SAMMSON: variants seen among roughly 807,000 people sequenced by gnomAD.
SAMMSON encodes survival associated mitochondrial melanoma specific oncogenic non-coding RNA, also known as long intergenic non-protein coding RNA 1212.
chr3:70,032,916 C>T (rs1381121834), intron 3 of SAMMSON, among the ~76,000 whole-genome samples: 1 of 152,140 alleles, frequency 6.6e-6, no homozygotes, highest in Non-Finnish European at 1.5e-5. Context: ...CTTTGGGGGC[C>T]TTTCATAATA....
intron 9 of SAMMSON, among the ~76,000 whole-genome samples, chr3:70,370,519 A>T (rs1044445201): frequency 9.9e-5 from 15 of 152,080 alleles, no homozygotes; most frequent in African/African-American, 3.1e-4. Context: ...GTAAGATGAT[A>T]TCTCATTGTG....
At chr3:70,038,971 C>T (rs1559778426) in intron 3 of SAMMSON, among the ~76,000 whole-genome samples, 1 of 152,044 alleles carries the variant, frequency 6.6e-6, no homozygotes, top group Non-Finnish European at 1.5e-5. Flanking sequence ...GGTCAGTTTT[C>T]TTGGAAATAG....
chr3:70,136,458 G>A (rs1388531114), intron 4 of SAMMSON, among the ~76,000 whole-genome samples: 1 of 152,202 alleles, frequency 6.6e-6, no homozygotes, highest in East Asian at 1.9e-4. Context: ...ACTTGGAAAT[G>A]AATCCTCTGG....
chr3:70,315,079 T>C (rs1702486172), intron 7 of SAMMSON, among the ~76,000 whole-genome samples: 1 of 152,174 alleles, frequency 6.6e-6, no homozygotes, highest in Non-Finnish European at 1.5e-5. Context: ...TACTATGATA[T>C]AATTATTTAA....
chr3:70,373,203 T>G (rs28440047), intron 9 of SAMMSON, among the ~76,000 whole-genome samples: 2,410 of 152,240 alleles, frequency 0.016, 57 homozygotes, highest in African/African-American at 0.042. Context: ...TTCCTTTACC[T>G]AGGAATGTCA....
In SAMMSON at chr3:70,281,885, G is replaced by A. The variant is rs116016390; in HGVS notation, n.675-9294G>A. On this transcript the variant is annotated intron_variant and non_coding_transcript_variant, in intron 6 of 9. Coordinates refer to ENST00000642114, the Ensembl canonical transcript of SAMMSON. The stretch of plus-strand genomic sequence containing the variant: ...TTCTAGTTCATCATACCTTGGGTGA[G>A]GCCCATGAAATCTTCAGTTTTAAAA... Among the ~76,000 whole-genome samples, 380 of 152,232 alleles carry A rather than the reference G, an allele frequency of 2.5e-3. 3 individuals carry two copies. Among genetic ancestry groups the A allele is most frequent in the African/African-American group, 8.6e-3 (356 of 41,556 alleles).
intron 4 of SAMMSON, among the ~76,000 whole-genome samples, chr3:70,239,001 T>C (rs1218971273): frequency 6.6e-6 from 1 of 152,226 alleles, no homozygotes; most frequent in Non-Finnish European, 1.5e-5. Context: ...AGTGGAAATG[T>C]TTAATTTTGT....
At chr3:70,107,745 G>A (rs1210621532) in intron 4 of SAMMSON, among the ~76,000 whole-genome samples, 6 of 151,988 alleles carry the variant, frequency 3.9e-5, no homozygotes, top group African/African-American at 1.5e-4. Flanking sequence ...AGAATGAGGG[G>A]GAAAGAGGAT....
At chr3:70,132,604 G>C (rs1203935459) in intron 4 of SAMMSON, among the ~76,000 whole-genome samples, 1 of 151,870 alleles carries the variant, frequency 6.6e-6, no homozygotes, top group Admixed American at 6.6e-5. Flanking sequence ...TGGCCATCTT[G>C]CAGGCTGCAA....
intron 1 of SAMMSON, among the ~76,000 whole-genome samples, chr3:70,001,936 C>G (rs1034517017): frequency 4.6e-5 from 7 of 152,240 alleles, no homozygotes; most frequent in Admixed American, 3.9e-4. Flanking sequence ...CATATTGCTC[C>G]AATTCATTTT....
At position 70,186,578 on chromosome 3, in the gene SAMMSON, T is replaced by C. The variant is rs954859233; in HGVS notation, n.508-62529T>C. Among the ~76,000 whole-genome samples the C allele has an allele frequency of 3.3e-5, 5 of 152,192 alleles. No individual in the cohort carries two copies. In the South Asian group the frequency reaches 6.2e-4, roughly 19 times the overall value. ...AGGCGTGAGCCAGCACACTCAACCA[T>C]AGGAATTTTTATTTTGAAAGGTTAC... On this transcript the variant is annotated intron_variant and non_coding_transcript_variant, in intron 4 of 9. Coordinates refer to ENST00000642114, the Ensembl canonical transcript of SAMMSON.
intron 3 of SAMMSON, among the ~76,000 whole-genome samples, chr3:70,015,776 A>ACC (rs2066981687): frequency 1.3e-5 from 2 of 151,772 alleles, no homozygotes. Flanking sequence ...AAGTGTTCTC[A>ACC]TTGTTCAATT....
intron 6 of SAMMSON, among the ~76,000 whole-genome samples, chr3:70,279,788 TG>T (rs1003305946): frequency 6.6e-6 from 1 of 152,176 alleles, no homozygotes; most frequent in Non-Finnish European, 1.5e-5. Flanking sequence ...TGGGCTGTTC[TG>T]GGGCATGGCT....
chr3:70,038,249 C>T (rs1285889746), intron 3 of SAMMSON, among the ~76,000 whole-genome samples: 2 of 152,092 alleles, frequency 1.3e-5, no homozygotes, highest in Non-Finnish European at 2.9e-5. Context: ...GAAGAATGCC[C>T]TTTGTTGTGG....
intron 7 of SAMMSON, among the ~76,000 whole-genome samples, chr3:70,304,892 C>T (rs551367801): frequency 6.6e-6 from 1 of 152,228 alleles, no homozygotes; most frequent in East Asian, 1.9e-4. Context: ...CTTCTTTCCC[C>T]TTTTTCGTCA....
chr3:70,041,535 C>T (rs912977132), intron 3 of SAMMSON, among the ~76,000 whole-genome samples: 4 of 151,414 alleles, frequency 2.6e-5, no homozygotes, highest in African/African-American at 9.7e-5. Flanking sequence ...CTTGTAAAGC[C>T]CTTAGTGACA....
At chr3:70,381,214 A>G (rs1703065487) in intron 9 of SAMMSON, among the ~76,000 whole-genome samples, 3 of 152,218 alleles carry the variant, frequency 2.0e-5, no homozygotes, top group Non-Finnish European at 4.4e-5. Context: ...TGGGAAGTAA[A>G]GCATATTTCC....
chr3:70,042,584 TTC>T (rs946029531), intron 3 of SAMMSON, among the ~76,000 whole-genome samples: 7 of 152,100 alleles, frequency 4.6e-5, no homozygotes, highest in African/African-American at 1.7e-4. Flanking sequence ...TGCCTTATTT[TTC>T]TCTTTCCACT....
chr3:70,243,422 C>G (rs1403981894), intron 4 of SAMMSON, among the ~76,000 whole-genome samples: 1 of 152,202 alleles, frequency 6.6e-6, no homozygotes. Context: ...CTGTGTGCAG[C>G]AGCTGCACTG....
Sources: allele counts gnomAD v4.1 joint callset (sites outside exome capture counted in the v4.1 genomes callset), GRCh38; gene constraint gnomAD v4.1.1; transcripts MANE v1.5; gene names NCBI Gene and HGNC (gene_info 2026-07-23, HGNC 2026-07-21).